Variants in KCNAB1 observed in about 807,000 individuals in gnomAD.
KCNAB1 encodes voltage-gated potassium channel subunit beta-1.
A neutral mutation model predicts 64.6 loss-of-function variants in KCNAB1; 35 were observed. The ratio of observed to expected loss-of-function variants is 0.54; its 90% CI spans 0.41 to 0.72. The LOEUF (loss-of-function observed/expected upper bound fraction) is 0.72, where lower values mean the gene tolerates loss of function less well. Ranked by LOEUF, KCNAB1 falls within the 30% of genes least tolerant of loss-of-function variation. The pLI is 0.00. For missense variants in KCNAB1, 401 were observed against 512.9 expected (o/e 0.78, Z 2.11); for synonymous variants, 177 against 183.8 (o/e 0.96, Z 0.30).
chr3:156,353,123 A>T (rs901190051), intron 1 of KCNAB1, among the ~76,000 whole-genome samples: 4 of 152,398 alleles, frequency 2.6e-5, no homozygotes, highest in Non-Finnish European at 4.4e-5. Flanking sequence ...TTGTAAAATT[A>T]AATTAGTAGT....
intron 13 of KCNAB1, among the ~76,000 whole-genome samples, chr3:156,533,176 A>G (rs1718819822): frequency 6.6e-6 from 1 of 152,242 alleles, no homozygotes; most frequent in South Asian, 2.1e-4. Flanking sequence ...GAAAAGGGCT[A>G]TTAAGTAAAT....
intron 1 of KCNAB1, among the ~76,000 whole-genome samples, chr3:156,317,061 A>C (rs7626513): frequency 0.14 from 21,688 of 152,054 alleles, 5,016 homozygotes; most frequent in African/African-American, 0.49. Context: ...GATTCTTCTT[A>C]TTATTATTCC....
intron 8 of KCNAB1, among the ~76,000 whole-genome samples, chr3:156,490,498 A>G (rs1177682849): frequency 6.6e-6 from 1 of 152,140 alleles, no homozygotes; most frequent in Non-Finnish European, 1.5e-5. Context: ...GTGATATAAG[A>G]GAAGGTACTA....
At chr3:156,294,565 T>A (rs1720663026) in intron 1 of KCNAB1, among the ~76,000 whole-genome samples, 1 of 152,236 alleles carries the variant, frequency 6.6e-6, no homozygotes, top group Non-Finnish European at 1.5e-5. Flanking sequence ...TTTTTTACAT[T>A]GTTTTAACTA....
chr3:156,272,293 G>A (rs1719081876), intron 1 of KCNAB1, among the ~76,000 whole-genome samples: 1 of 152,208 alleles, frequency 6.6e-6, no homozygotes, highest in African/African-American at 2.4e-5. Context: ...CTTTCAGGGT[G>A]GTGGCAAGTT....
intron 1 of KCNAB1, among the ~76,000 whole-genome samples, chr3:156,412,969 T>A (rs1275561902): frequency 2.6e-5 from 4 of 152,188 alleles, no homozygotes; most frequent in Non-Finnish European, 4.4e-5. Flanking sequence ...AAGATTCAGA[T>A]GAGGTGACCA....
chr3:156,177,997 A>G (rs540647038), intron 1 of KCNAB1, among the ~76,000 whole-genome samples: 1 of 152,274 alleles, frequency 6.6e-6, no homozygotes, highest in Admixed American at 6.5e-5. Flanking sequence ...TGGCCTCCCA[A>G]AGCGCTGGGA....
At chr3:156,282,397 A>G (rs1261870212) in intron 1 of KCNAB1, among the ~76,000 whole-genome samples, 2 of 141,110 alleles carry the variant, frequency 1.4e-5, no homozygotes, top group Non-Finnish European at 3.1e-5. Context: ...TATGTGGTCA[A>G]TTTTGGAATA....
At chr3:156,530,662 CAGA>C (rs372823983) in intron 12 of KCNAB1, among the ~76,000 whole-genome samples, 60 of 152,150 alleles carry the variant, frequency 3.9e-4, no homozygotes, top group African/African-American at 1.1e-3. Context: ...GCTAAGGAAG[CAGA>C]AGAAGTGAGG....
intron 2 of KCNAB1, among the ~76,000 whole-genome samples, chr3:156,430,258 G>A (rs1716115203): frequency 6.6e-6 from 1 of 152,146 alleles, no homozygotes; most frequent in Non-Finnish European, 1.5e-5. Context: ...TGAGGCTTAG[G>A]GGAGAACTCG....
Position 156,451,739 on chromosome 3 carries a change from G to A in KCNAB1, c.320-1160G>A, listed in dbSNP as rs117880059. Among the ~76,000 whole-genome samples, 86 of 152,054 alleles carry A rather than the reference G, an allele frequency of 5.7e-4. No homozygotes were observed. The East Asian group carries it at 0.015, about 26-fold the overall frequency. On this transcript the variant is annotated intron_variant, in intron 2 of 13. Coordinates refer to ENST00000490337, the MANE Select transcript of KCNAB1 (RefSeq NM_172160.3). ...CTGGTGCTCCCACATTTCATCTCAC[G>A]GCCTGATGGTGTAGGCCCCTGCTCA...
chr3:156,314,762 C>T (rs1722162965), intron 1 of KCNAB1, among the ~76,000 whole-genome samples: 1 of 152,212 alleles, frequency 6.6e-6, no homozygotes. Flanking sequence ...CCTGTAATCC[C>T]AGCACTTTGG....
intron 8 of KCNAB1, among the ~76,000 whole-genome samples, chr3:156,485,466 A>T (rs1715135518): frequency 6.6e-6 from 1 of 152,026 alleles, no homozygotes; most frequent in Non-Finnish European, 1.5e-5. Flanking sequence ...CACAATCATC[A>T]TACTCAAGAA....
chr3:156,246,136 A>T (rs1717435392), intron 1 of KCNAB1, among the ~76,000 whole-genome samples: 1 of 152,186 alleles, frequency 6.6e-6, no homozygotes, highest in Admixed American at 6.5e-5. Context: ...GCGTTCCTGA[A>T]TCCCCTATAA....
At chr3:156,497,456 A>G (rs1172234087) in intron 8 of KCNAB1, among the ~76,000 whole-genome samples, 1 of 152,246 alleles carries the variant, frequency 6.6e-6, no homozygotes, top group Non-Finnish European at 1.5e-5. Context: ...TTCATCTACA[A>G]GACAGAATTC....
At chr3:156,514,981 C>T (rs1717459506) in intron 9 of KCNAB1, 119 bp from the exon 10 acceptor site, 2 of 985,886 alleles carry the variant, frequency 2.0e-6, no homozygotes. Context: ...ATTTGGCATC[C>T]TACATGTTTC....
intron 1 of KCNAB1, among the ~76,000 whole-genome samples, chr3:156,133,780 C>A (rs562148132): frequency 6.6e-6 from 1 of 152,328 alleles, no homozygotes; most frequent in Admixed American, 6.5e-5. Context: ...TAAGATGCAC[C>A]ATTTCAACTA....
chr3:156,419,298 C>T (rs1347358521), intron 1 of KCNAB1, among the ~76,000 whole-genome samples: 3 of 151,904 alleles, frequency 2.0e-5, no homozygotes, highest in African/African-American at 4.8e-5. Context: ...GTCAGGAGAT[C>T]GAGACCACCC....
intron 1 of KCNAB1, among the ~76,000 whole-genome samples, chr3:156,160,958 C>G (rs1274964123): frequency 6.6e-6 from 1 of 152,208 alleles, no homozygotes; most frequent in Non-Finnish European, 1.5e-5. Flanking sequence ...GCTCTTGTGT[C>G]TTTAAAATGC....
Sources: allele counts gnomAD v4.1 joint callset (sites outside exome capture counted in the v4.1 genomes callset), GRCh38; gene constraint gnomAD v4.1.1; transcripts MANE v1.5; gene names NCBI Gene and HGNC (gene_info 2026-07-23, HGNC 2026-07-21).